The following FAM185A variants were observed in gnomAD, a reference collection of about 807,000 sequenced individuals.
The protein encoded by FAM185A is family with sequence similarity 185 member A.
FAM185A carries 21 observed loss-of-function variants against 45.7 expected under a neutral mutation model. The ratio of observed to expected loss-of-function variants is 0.46; its 90% confidence interval spans 0.33 to 0.66. The LOEUF (loss-of-function observed/expected upper bound fraction) is 0.66, where lower values mean the gene tolerates loss of function less well. Ranked by LOEUF, FAM185A falls within the 30% of genes least tolerant of loss-of-function variation. FAM185A has a pLI of 0.03. For missense variants in FAM185A, 305 were observed against 485.4 expected, an observed-to-expected ratio of 0.63 and a Z score of 3.49; for synonymous variants, 117 against 194.0, an observed-to-expected ratio of 0.60 and a Z score of 3.30.
chr7:102,819,351 G>A, the FAM185A span, among the ~76,000 whole-genome samples: 2 of 152,014 alleles, frequency 1.3e-5, no homozygotes, highest in East Asian at 3.9e-4. Context: ...GTCACTTCCT[G>A]GAAACCCTTC....
chr7:102,807,838 CACCT>C (rs1423196841), intron 7 of FAM185A, among the ~76,000 whole-genome samples: 12 of 152,038 alleles, frequency 7.9e-5, no homozygotes, highest in Non-Finnish European at 1.6e-4. Flanking sequence ...GTGGGTGGAT[CACCT>C]GAGGTGTGGC....
chr7:102,792,946 A>T (rs1796220037), intron 7 of FAM185A, among the ~76,000 whole-genome samples: 2 of 152,190 alleles, frequency 1.3e-5, no homozygotes, highest in South Asian at 4.1e-4. Flanking sequence ...TTTCTCTCCA[A>T]ATCGGGAAAA....
intron 3 of FAM185A, among the ~76,000 whole-genome samples, chr7:102,758,777 A>G (rs1235289360): frequency 6.6e-6 from 1 of 152,040 alleles, no homozygotes; most frequent in Non-Finnish European, 1.5e-5. Flanking sequence ...GGCATAATTA[A>G]ACAAGATAGA....
intron 6 of FAM185A, among the ~76,000 whole-genome samples, chr7:102,786,219 T>C (rs1795783616): frequency 6.6e-6 from 1 of 152,178 alleles, no homozygotes; most frequent in Admixed American, 6.5e-5. Flanking sequence ...AGGAACACTT[T>C]TACACTGTTG....
At chr7:102,831,431 A>ACACACACACCCC in the FAM185A span, among the ~76,000 whole-genome samples, 1 of 147,236 alleles carries the variant, frequency 6.8e-6, no homozygotes, top group African/African-American at 2.5e-5. Context: ...ACACACACAC[A>ACACACACACCCC]CCCCACTACA....
At chr7:102,823,950 T>G in the FAM185A span, among the ~76,000 whole-genome samples, 1 of 150,198 alleles carries the variant, frequency 6.7e-6, no homozygotes, top group Non-Finnish European at 1.5e-5. Context: ...ATGTCATTGA[T>G]AAAAGAAAAA....
chr7:102,810,001 C>T (rs935728795), downstream of FAM185A, among the ~76,000 whole-genome samples: 2 of 152,066 alleles, frequency 1.3e-5, no homozygotes, highest in East Asian at 1.9e-4. Flanking sequence ...ATGTGATGTG[C>T]CTGCTCCCAC....
chr7:102,774,305 T>G lies in FAM185A; in HGVS notation c.835+1855T>G, dbSNP rs189487218. Among the ~76,000 whole-genome samples, 211 of 152,332 alleles carry G rather than the reference T, an allele frequency of 1.4e-3. 1 individual carries two copies. Among genetic ancestry groups the G allele is most frequent in the African/African-American group, 4.8e-3 (200 of 41,580 alleles). On this transcript the variant is annotated intron_variant, in intron 5 of 7. Transcript: ENST00000413034. ...AAATGGACCTTGTATCTTGTGACCT[T>G]GCTAAATTTATTCTAATAGTGGTTT...
intron 2 of FAM185A, chr7:102,755,793 A>C (rs1357803096): frequency 7.6e-6 from 5 of 655,284 alleles, no homozygotes; most frequent in Non-Finnish European, 1.4e-5. Context: ...GGCTAAGCTG[A>C]TGGAAGCTAT....
the FAM185A span, among the ~76,000 whole-genome samples, chr7:102,845,214 A>T: frequency 6.6e-6 from 1 of 152,184 alleles, no homozygotes; most frequent in African/African-American, 2.4e-5. Context: ...GGCCTTTCTC[A>T]TGACCAGCCC....
chr7:102,840,452 G>A, the FAM185A span, among the ~76,000 whole-genome samples: 37 of 152,302 alleles, frequency 2.4e-4, no homozygotes, highest in East Asian at 6.6e-3. Context: ...CAAGAAAGGC[G>A]GGGGAATTCC....
chr7:102,814,585 C>G, the FAM185A span, among the ~76,000 whole-genome samples: 3 of 152,190 alleles, frequency 2.0e-5, no homozygotes, highest in African/African-American at 7.2e-5. Context: ...CTAATTCTGC[C>G]TCTAAGCACA....
At chr7:102,813,277 T>G, downstream of FAM185A, 2 of 1,447,410 alleles carry the variant, frequency 1.4e-6, no homozygotes, top group Non-Finnish European at 1.9e-6. Context: ...GTAAACATAC[T>G]TGCAACAAAT....
At chr7:102,822,706 T>C in the FAM185A span, among the ~76,000 whole-genome samples, 1 of 152,222 alleles carries the variant, frequency 6.6e-6, no homozygotes, top group Non-Finnish European at 1.5e-5. Flanking sequence ...GGCCTACAAT[T>C]CAAGTGAGTT....
intron 7 of FAM185A, among the ~76,000 whole-genome samples, chr7:102,804,475 G>A (rs201004222): frequency 9.1e-3 from 1,243 of 136,760 alleles, no homozygotes; most frequent in Middle Eastern, 0.021. Flanking sequence ...TAATTGGCTA[G>A]CCACATGTAG....
chr7:102,819,256 G>T, the FAM185A span, among the ~76,000 whole-genome samples: 2 of 152,012 alleles, frequency 1.3e-5, no homozygotes, highest in Admixed American at 1.3e-4. Context: ...AATACAAATA[G>T]CTTGTCGTTT....
chr7:102,808,292 C>T lies in FAM185A; in HGVS notation c.1069C>T (p.Leu357Phe). 1.9e-6 allele frequency: 3 copies of T among 1,549,602 alleles called. No individual in the cohort carries two copies. Among genetic ancestry groups the T allele is most frequent in the Non-Finnish European group, 2.6e-6 (3 of 1,145,114 alleles). The change falls in exon 8 of 8, where the codon CTC becomes TTC. Residue 357 changes from leucine (L) to phenylalanine (F), a missense_variant and splice_region_variant. By Grantham distance (22) the Leu-to-Phe change is conservative. This residue lies in a region of FAM185A where 66 missense variants were observed against 74.6 expected (regional missense o/e 0.89). Transcript: ENST00000413034. The stretch of plus-strand genomic sequence containing the variant: ...TTTTATGCAATTTTGTGTTTTAGGA[C>T]TCATGAATCAAGCAAGCAAACGTGA... The part of the protein sequence containing the change: ...RKDDVVTVTG[L>F]MNQASKREKW...
intron 1 of FAM185A, 98 bp downstream of exon 1, chr7:102,749,756 C>T (rs1793244150): frequency 7.5e-6 from 11 of 1,465,572 alleles, no homozygotes; most frequent in Middle Eastern, 5.0e-4. Flanking sequence ...TCCTGGCTCT[C>T]TAAACCTAAT....
the FAM185A span, among the ~76,000 whole-genome samples, chr7:102,847,356 G>T: frequency 3.9e-5 from 6 of 152,084 alleles, no homozygotes; most frequent in Admixed American, 6.5e-5. Flanking sequence ...ATAAAAATTA[G>T]GACTCTTGAC....
Sources: gnomAD v4.1 joint callset for allele counts (sites outside exome capture counted in the v4.1 genomes callset) on GRCh38, gnomAD v4.1.1 for gene constraint, gnomAD v4.1.1 regional missense constraint, MANE v1.5 for transcripts, NCBI Gene and HGNC (gene_info 2026-07-23, HGNC 2026-07-21) for gene names.